The following KYAT3 variants were observed in gnomAD, a reference collection of about 807,000 sequenced individuals.
The protein encoded by KYAT3 is kynurenine--oxoglutarate transaminase 3.
A neutral mutation model predicts 59.0 loss-of-function variants in KYAT3; 50 were observed. The ratio of observed to expected loss-of-function variants is 0.85; its 90% confidence interval spans 0.68 to 1.07. The LOEUF (loss-of-function observed/expected upper bound fraction) is 1.07, where lower values mean the gene tolerates loss of function less well. Ranked by LOEUF, KYAT3 falls within the 50% of genes least tolerant of loss-of-function variation. The pLI is 0.00. For missense variants in KYAT3, 497 were observed against 533.3 expected (o/e 0.93, Z 0.67); for synonymous variants, 148 against 177.0 (o/e 0.84, Z 1.30).
chr1:88,987,367 C>G (rs1677524743), intron 2 of KYAT3, among the ~76,000 whole-genome samples: 1 of 152,012 alleles, frequency 6.6e-6, no homozygotes, highest in Non-Finnish European at 1.5e-5. Context: ...GAATTCAAGA[C>G]AGTTATGAGG....
intron 2 of KYAT3, among the ~76,000 whole-genome samples, chr1:88,972,917 C>A (rs79413112): frequency 6.6e-6 from 1 of 152,132 alleles, no homozygotes; most frequent in African/African-American, 2.4e-5. Flanking sequence ...ATGGGTTGGA[C>A]CATGCCCCCC....
the KYAT3 span, among the ~76,000 whole-genome samples, chr1:88,921,273 A>G: frequency 1.3e-5 from 2 of 152,240 alleles, no homozygotes; most frequent in Non-Finnish European, 2.9e-5. Flanking sequence ...GAAAAGGACA[A>G]AAAGGATTAA....
intron 11 of KYAT3, among the ~76,000 whole-genome samples, chr1:88,947,414 C>T (rs868316976): frequency 6.6e-6 from 1 of 152,204 alleles, no homozygotes; most frequent in Non-Finnish European, 1.5e-5. Flanking sequence ...TCTTCTGTGT[C>T]CCAACTGACC....
downstream of KYAT3, among the ~76,000 whole-genome samples, chr1:88,932,350 T>C (rs1447121104): frequency 1.3e-5 from 2 of 152,218 alleles, no homozygotes; most frequent in Middle Eastern, 3.2e-3. Flanking sequence ...TATTAGACTA[T>C]TGATACTACT....
At chr1:88,958,110 C>G (rs61084867) in intron 8 of KYAT3, among the ~76,000 whole-genome samples, 229 of 152,216 alleles carry the variant, frequency 1.5e-3, no homozygotes, top group African/African-American at 5.2e-3. Context: ...CCTATAATTC[C>G]ACTTGTCCCC....
At chr1:88,986,924 G>A (rs578110878) in intron 2 of KYAT3, among the ~76,000 whole-genome samples, 1 of 152,254 alleles carries the variant, frequency 6.6e-6, no homozygotes, top group South Asian at 2.1e-4. Context: ...AGCCTCTGAT[G>A]AACTGTAGAC....
intron 9 of KYAT3, among the ~76,000 whole-genome samples, chr1:88,954,326 T>A (rs1675816433): frequency 1.3e-5 from 2 of 152,228 alleles, no homozygotes; most frequent in Admixed American, 1.3e-4. Flanking sequence ...AGACTTCCTG[T>A]ACAGGCTTGA....
the KYAT3 span, among the ~76,000 whole-genome samples, chr1:88,928,964 G>A: frequency 6.6e-6 from 1 of 152,104 alleles, no homozygotes; most frequent in African/African-American, 2.4e-5. Flanking sequence ...GCAAAAGCAG[G>A]GGCCATTATA....
intron 4 of KYAT3, 65 bp from the exon 5 acceptor site, chr1:88,965,043 A>G: frequency 8.0e-7 from 1 of 1,246,744 alleles, no homozygotes; most frequent in Non-Finnish European, 1.1e-6. Flanking sequence ...TTGAGGTAAT[A>G]TGGCTCTAAA....
At chr1:88,984,004 C>A in intron 2 of KYAT3, 2 of 529,096 alleles carry the variant, frequency 3.8e-6, no homozygotes, top group South Asian at 2.1e-5. Flanking sequence ...GCTATCCATT[C>A]AAAAAACCAG....
intron 1 of KYAT3, among the ~76,000 whole-genome samples, chr1:88,990,678 T>C (rs1458595481): frequency 6.6e-6 from 1 of 152,158 alleles, no homozygotes; most frequent in Admixed American, 6.5e-5. Context: ...TATGACCCTC[T>C]CACTAGGTAA....
chr1:88,991,481 T>C (rs188450764), intron 1 of KYAT3, among the ~76,000 whole-genome samples: 368 of 152,364 alleles, frequency 2.4e-3, no homozygotes, highest in Non-Finnish European at 3.9e-3. Context: ...TTTCACACTC[T>C]ACCTTGTTAG....
intron 1 of KYAT3, among the ~76,000 whole-genome samples, chr1:88,989,718 C>A (rs1677678144): frequency 6.6e-6 from 1 of 152,152 alleles, no homozygotes; most frequent in Admixed American, 6.5e-5. Flanking sequence ...TCTCTAGGTA[C>A]CAGGCCTCAA....
rs1676296431 is a variant in KYAT3 at position 88,965,110 on chromosome 1, T to A, written c.304-132A>T. On this transcript the variant is annotated intron_variant, in intron 4 of 13. Transcript: ENST00000260508. Reference sequence around the variant, plus strand: ...TTTATAATTACCCCAAGAAAATTTATATTTTTTAATGGCAATAAATTTTTT... The same window carrying A: ...TTTATAATTACCCCAAGAAAATTTAAATTTTTTAATGGCAATAAATTTTTT... The A allele has an allele frequency of 3.3e-5, 21 of 644,744 alleles. No individual in the cohort carries two copies. In the South Asian group the frequency reaches 4.4e-4, roughly 14 times the overall value. The allele number at this position is 644,744 out of a possible 1,614,324, so 39.9% of individuals were successfully genotyped here.
chr1:88,965,681 T>C (rs988670718), intron 4 of KYAT3, among the ~76,000 whole-genome samples: 7 of 152,182 alleles, frequency 4.6e-5, no homozygotes, highest in Non-Finnish European at 8.8e-5. Flanking sequence ...TTCCTTTTCC[T>C]TTCCCCCTCC....
At chr1:88,962,291 T>C in intron 5 of KYAT3, 146 bp from the exon 6 acceptor site, 2 of 635,772 alleles carry the variant, frequency 3.1e-6, no homozygotes, top group East Asian at 2.8e-5. Context: ...AGCTAACATC[T>C]GAGGGGAAGA....
chr1:88,958,862 A>G (rs1159646604), intron 8 of KYAT3, among the ~76,000 whole-genome samples: 1 of 152,202 alleles, frequency 6.6e-6, no homozygotes, highest in Non-Finnish European at 1.5e-5. Flanking sequence ...CTACCACTAA[A>G]GTAAGTTTCA....
At chr1:88,960,826 T>C (rs554370869) in intron 8 of KYAT3, among the ~76,000 whole-genome samples, 2 of 152,224 alleles carry the variant, frequency 1.3e-5, no homozygotes, top group Non-Finnish European at 2.9e-5. Flanking sequence ...TTGTTCAGCA[T>C]AGACCGTCTA....
At chr1:88,958,941 T>A (rs996889034) in intron 8 of KYAT3, among the ~76,000 whole-genome samples, 2 of 152,118 alleles carry the variant, frequency 1.3e-5, no homozygotes, top group Non-Finnish European at 2.9e-5. Flanking sequence ...ATCACCCTAG[T>A]TTTCCACCCT....
Sources: allele counts gnomAD v4.1 joint callset (sites outside exome capture counted in the v4.1 genomes callset), GRCh38; gene constraint gnomAD v4.1.1; transcripts MANE v1.5; gene names NCBI Gene and HGNC (gene_info 2026-07-23, HGNC 2026-07-21).